NUP155: variants seen among roughly 807,000 people sequenced by gnomAD.
NUP155 encodes the protein nuclear pore complex protein Nup155.
A neutral mutation model predicts 180.4 loss-of-function variants in NUP155; 71 were observed. The ratio of observed to expected loss-of-function variants is 0.39; its 90% CI spans 0.33 to 0.48. The LOEUF (loss-of-function observed/expected upper bound fraction) is 0.48. NUP155 is among the 20% of genes least tolerant of loss of function. The pLI is 0.91. For synonymous variants in NUP155, 582 were observed against 559.5 expected (o/e 1.04, Z -0.57); for missense variants, 1,553 against 1,648.9 (o/e 0.94, Z 1.01).
At chr5:37,345,414 G>A (rs1746012264) in intron 9 of NUP155, among the ~76,000 whole-genome samples, 1 of 150,836 alleles carries the variant, frequency 6.6e-6, no homozygotes, top group Non-Finnish European at 1.5e-5. Flanking sequence ...AGGCTGAGAT[G>A]TGAGGATGCC....
intron 22 of NUP155, among the ~76,000 whole-genome samples, chr5:37,310,964 C>G (rs1459342179): frequency 6.6e-6 from 1 of 152,054 alleles, no homozygotes; most frequent in Non-Finnish European, 1.5e-5. Flanking sequence ...TCTCACTTTC[C>G]AAATGAGAAA....
At chr5:37,367,411 C>T (rs1747664445) in intron 1 of NUP155, among the ~76,000 whole-genome samples, 2 of 151,584 alleles carry the variant, frequency 1.3e-5, no homozygotes, top group Admixed American at 6.6e-5. Flanking sequence ...GACAGGATTT[C>T]GCCATGATGG....
intron 34 of NUP155, among the ~76,000 whole-genome samples, chr5:37,292,311 G>A (rs373408438): frequency 6.6e-6 from 1 of 151,924 alleles, no homozygotes; most frequent in African/African-American, 2.4e-5. Flanking sequence ...TGCCTCCTGG[G>A]TTCACGCCAT....
chr5:37,351,000 G>A (rs1008944464), intron 6 of NUP155, among the ~76,000 whole-genome samples, 190 bp downstream of exon 6: 5 of 151,986 alleles, frequency 3.3e-5, no homozygotes, highest in African/African-American at 9.7e-5. Context: ...ATAGAATAAT[G>A]ACTTTTACCT....
chr5:37,344,962 C>T (rs538558053), intron 9 of NUP155, among the ~76,000 whole-genome samples: 1 of 151,500 alleles, frequency 6.6e-6, no homozygotes, highest in South Asian at 2.1e-4. Context: ...GCAGACACGT[C>T]ATTTGAGCCC....
intron 23 of NUP155, 31 bp from the exon 24 acceptor site, chr5:37,309,298 T>C (rs780379764): frequency 1.3e-5 from 20 of 1,589,986 alleles, no homozygotes; most frequent in Non-Finnish European, 1.7e-5. Flanking sequence ...AACTTAAAAA[T>C]ATATAAAATC....
intron 5 of NUP155, 55 bp downstream of exon 5, chr5:37,352,682 T>C (rs926346546): frequency 3.5e-6 from 4 of 1,146,752 alleles, no homozygotes; most frequent in Non-Finnish European, 5.3e-6. Context: ...AACTGTAATA[T>C]CAATTGGCCA....
chr5:37,347,572 TGTA>T (rs1746177152), intron 9 of NUP155, among the ~76,000 whole-genome samples: 1 of 151,732 alleles, frequency 6.6e-6, no homozygotes, highest in Non-Finnish European at 1.5e-5. Flanking sequence ...GGCGCATGCC[TGTA>T]GTCCCAGCTA....
At chr5:37,308,889 A>G (rs1743345355) in intron 24 of NUP155, among the ~76,000 whole-genome samples, 1 of 150,558 alleles carries the variant, frequency 6.6e-6, no homozygotes, top group Admixed American at 6.6e-5. Flanking sequence ...AAAAAAAAAA[A>G]AAAAAAAAAA....
At position 37,353,538 on chromosome 5, in the gene NUP155, C is replaced by T. The variant is rs111589666; in HGVS notation, c.464-709G>A. On this transcript the variant is annotated intron_variant, in intron 4 of 34. Coordinates refer to ENST00000231498, the MANE Select transcript of NUP155 (RefSeq NM_153485.3). ...CAGGGGTTGCAGTGAGCCGAGATCA[C>T]GCCATTACACCCCAGTCTGGACGAC... 4.6e-5 allele frequency among the ~76,000 whole-genome samples: 7 copies of T among 152,010 alleles called. No individual in the cohort carries two copies. In the East Asian group the frequency reaches 5.8e-4, roughly 13 times the overall value.
rs778104731 is a variant in NUP155 at position 37,325,985 on chromosome 5, T to C, written c.2025-18A>G. 6.5e-7 allele frequency: 1 copy of C among 1,539,218 alleles called. No individual in the cohort carries two copies. The highest frequency in any genetic ancestry group is 1.1e-5 in the South Asian group (1 of 89,390). ...AAATGTTTCTGGAAAAAAAAAAGTT[T>C]TAATGATTGTGCTGTAAATGAATAA... On this transcript the variant is annotated intron_variant, in intron 18 of 34. Transcript: ENST00000231498.
intron 5 of NUP155, among the ~76,000 whole-genome samples, chr5:37,352,427 A>G (rs1263042657): frequency 1.3e-5 from 2 of 152,262 alleles, no homozygotes; most frequent in East Asian, 3.9e-4. Flanking sequence ...AATCCCAGCA[A>G]CTCAAGAGAC....
At chr5:37,349,072 A>G in intron 8 of NUP155, 100 bp downstream of exon 8, 1 of 303,382 alleles carries the variant, frequency 3.3e-6, no homozygotes, top group Non-Finnish European at 6.2e-6. Context: ...TTTTTTTTTT[A>G]GTTACACAGT....
chr5:37,318,540 A>T (rs1184966766), intron 20 of NUP155, among the ~76,000 whole-genome samples: 1 of 152,198 alleles, frequency 6.6e-6, no homozygotes, highest in East Asian at 1.9e-4. Flanking sequence ...GCACATCAGC[A>T]TGATGCTCAA....
intron 32 of NUP155, among the ~76,000 whole-genome samples, chr5:37,295,943 C>T (rs1446156460): frequency 4.5e-4 from 67 of 149,230 alleles, no homozygotes; most frequent in African/African-American, 1.6e-3. Flanking sequence ...TGCCCGGCCG[C>T]CCCTACTGGG....
At chr5:37,342,013 G>A (rs183533035) in intron 10 of NUP155, among the ~76,000 whole-genome samples, 87 of 152,262 alleles carry the variant, frequency 5.7e-4, no homozygotes, top group African/African-American at 1.9e-3. Flanking sequence ...CAGCCACTGC[G>A]CCTTTTAGGC....
At chr5:37,328,465 C>G in intron 16 of NUP155, 45 bp from the exon 17 acceptor site, 1 of 1,354,982 alleles carries the variant, frequency 7.4e-7, no homozygotes, top group Non-Finnish European at 1.1e-6. Context: ...AAGAACATCT[C>G]AATCTTTTGA....
At chr5:37,343,651 GA>G (rs1745888841) in intron 9 of NUP155, among the ~76,000 whole-genome samples, 1 of 152,078 alleles carries the variant, frequency 6.6e-6, no homozygotes, top group Non-Finnish European at 1.5e-5. Flanking sequence ...AGCACTTTGG[GA>G]AGCCGAGACG....
At chr5:37,298,069 T>G (rs1742682308) in intron 32 of NUP155, among the ~76,000 whole-genome samples, 1 of 151,978 alleles carries the variant, frequency 6.6e-6, no homozygotes, top group Non-Finnish European at 1.5e-5. Flanking sequence ...GAAACCTCAT[T>G]TCTAATAAAA....
Sources: allele counts gnomAD v4.1 joint callset (sites outside exome capture counted in the v4.1 genomes callset), GRCh38; gene constraint gnomAD v4.1.1; transcripts MANE v1.5; gene names NCBI Gene and HGNC (gene_info 2026-07-23, HGNC 2026-07-21).